Variants in PLEKHD1 observed in about 807,000 individuals in gnomAD.
The protein encoded by PLEKHD1 is pleckstrin homology domain-containing family D member 1.
Under a neutral mutation model 69.2 loss-of-function variants are expected in PLEKHD1, and 51 were observed. The ratio of observed to expected loss-of-function variants is 0.74; its 90% confidence interval spans 0.59 to 0.93. PLEKHD1 has a LOEUF of 0.93. PLEKHD1 is among the 40% of genes least tolerant of loss of function. The probability of loss-of-function intolerance (pLI) is 0.00; values close to 1 mark genes in which losing one functional copy is unlikely to be tolerated. For synonymous variants in PLEKHD1, 236 were observed against 244.7 expected (o/e 0.96, Z 0.33); for missense variants, 584 against 641.0 (o/e 0.91, Z 0.96).
At chr14:69,490,153 C>T (rs941191779) in intron 1 of PLEKHD1, among the ~76,000 whole-genome samples, 3 of 152,208 alleles carry the variant, frequency 2.0e-5, no homozygotes, top group African/African-American at 7.2e-5. Flanking sequence ...CAGGCATGAG[C>T]CCCCTGTTAT....
intron 1 of PLEKHD1, among the ~76,000 whole-genome samples, chr14:69,499,541 C>T (rs1005470998): frequency 1.3e-5 from 2 of 152,178 alleles, no homozygotes; most frequent in African/African-American, 4.8e-5. Context: ...GCACCAAAGT[C>T]ACAGAGCCCT....
chr14:69,484,675 A>G, upstream of PLEKHD1: 1 of 292,900 alleles, frequency 3.4e-6, no homozygotes, highest in Non-Finnish European at 6.3e-6. Flanking sequence ...GTGGGTGGCT[A>G]GGGCGGGAGG....
In PLEKHD1 at chr14:69,530,794, C is replaced by A. The variant is rs1207404488; in HGVS notation, c.*2375C>A. On this transcript the variant is annotated 3_prime_UTR_variant, in exon 13 of 13. Transcript: ENST00000322564. ...GGGTGAGAGAGCAAGAGGGGCCAAA[C>A]TTATTCTTTTATAACAAACCCACCC... 2.0e-5 allele frequency: 3 copies of A among 152,198 alleles called. No homozygotes were observed. Among genetic ancestry groups the A allele is most frequent in the African/African-American group, 7.2e-5 (3 of 41,430 alleles). The allele number at this position is 152,198 out of a possible 1,614,324, so 9.4% of individuals were successfully genotyped here. A position where few individuals can be genotyped will look rare whatever the true frequency, so the allele number is the denominator to read the frequency against.
chr14:69,469,852 G>C, the PLEKHD1 span, among the ~76,000 whole-genome samples: 2 of 151,994 alleles, frequency 1.3e-5, no homozygotes, highest in Non-Finnish European at 1.5e-5. Context: ...TCCACTAGTA[G>C]CTGGGATTAC....
At chr14:69,500,306 C>T in intron 2 of PLEKHD1, 98 bp downstream of exon 2, 1 of 1,054,854 alleles carries the variant, frequency 9.5e-7, no homozygotes, top group Non-Finnish European at 1.4e-6. Flanking sequence ...CTTGCTCTGG[C>T]CTAGCAGAGA....
chr14:69,513,686 A>T (rs1883321315), intron 6 of PLEKHD1, among the ~76,000 whole-genome samples: 1 of 152,172 alleles, frequency 6.6e-6, no homozygotes, highest in Non-Finnish European at 1.5e-5. Flanking sequence ...TTCACTCTCC[A>T]ATGCTCTTCC....
At chr14:69,495,635 G>A (rs1882871727) in intron 1 of PLEKHD1, among the ~76,000 whole-genome samples, 1 of 152,194 alleles carries the variant, frequency 6.6e-6, no homozygotes, top group South Asian at 2.1e-4. Flanking sequence ...TCATTACCAT[G>A]GCCATAGAGC....
intron 1 of PLEKHD1, among the ~76,000 whole-genome samples, chr14:69,494,250 A>C (rs1051556280): frequency 6.6e-6 from 1 of 152,182 alleles, no homozygotes; most frequent in Admixed American, 6.5e-5. Context: ...ATTATCCTCA[A>C]GTTGCACGGT....
At chr14:69,507,363 A>G (rs991616431) in intron 6 of PLEKHD1, among the ~76,000 whole-genome samples, 1 of 152,070 alleles carries the variant, frequency 6.6e-6, no homozygotes, top group Non-Finnish European at 1.5e-5. Flanking sequence ...GTGCTGAATG[A>G]TATTACCTTA....
chr14:69,469,517 C>T, the PLEKHD1 span, among the ~76,000 whole-genome samples: 4 of 151,896 alleles, frequency 2.6e-5, no homozygotes, highest in African/African-American at 9.7e-5. Flanking sequence ...TCCAGTGATC[C>T]TCCTGCCTGA....
upstream of PLEKHD1, among the ~76,000 whole-genome samples, chr14:69,480,354 AG>A (rs1882519962): frequency 6.6e-6 from 1 of 152,240 alleles, no homozygotes; most frequent in Admixed American, 6.5e-5. Context: ...GCTGACAGAC[AG>A]ATGCCGGTGC....
the PLEKHD1 span, among the ~76,000 whole-genome samples, chr14:69,471,090 C>CTTTTTTT: frequency 2.0e-4 from 9 of 44,750 alleles, 2 homozygotes; most frequent in African/African-American, 4.3e-4. Context: ...CGTGCCTGGC[C>CTTTTTTT]TTTTTTTTTT....
At chr14:69,504,956 A>T (rs1423823115) in intron 6 of PLEKHD1, among the ~76,000 whole-genome samples, 3 of 152,350 alleles carry the variant, frequency 2.0e-5, no homozygotes, top group African/African-American at 7.2e-5. Flanking sequence ...AGACACAGCC[A>T]CTGGCAGGGA....
Position 69,506,891 on chromosome 14 carries a change from C to CTTT in PLEKHD1, c.555+4038_555+4040dup, listed in dbSNP as rs1162412450. Among the ~76,000 whole-genome samples the CTTT allele has an allele frequency of 2.2e-3, 169 of 78,060 alleles. 12 individuals are homozygous for CTTT. Among genetic ancestry groups the CTTT allele is most frequent in the South Asian group, 4.4e-3 (9 of 2,036 alleles). 51.2% of individuals were successfully genotyped at this position (78,060 alleles called of 152,430 possible). The stretch of plus-strand genomic sequence containing the variant: ...ACTGTCCTAAAAATCCTGGCAACTG[C>CTTT]TTTTTTTTTTTTTTTTTTTTTTTTT... On this transcript the variant is annotated intron_variant, in intron 6 of 12. Coordinates refer to ENST00000322564, the MANE Select transcript of PLEKHD1 (RefSeq NM_001161498.2).
chr14:69,483,894 A>C (rs2139486666), upstream of PLEKHD1, among the ~76,000 whole-genome samples: 1 of 152,350 alleles, frequency 6.6e-6, no homozygotes, highest in South Asian at 2.1e-4. Flanking sequence ...CCCTGGCCTG[A>C]AAATGAGCCG....
chr14:69,471,301 G>A, the PLEKHD1 span, among the ~76,000 whole-genome samples: 1 of 151,342 alleles, frequency 6.6e-6, no homozygotes. Flanking sequence ...TGTAGAGATG[G>A]GGTCTCCCTA....
In PLEKHD1 at chr14:69,528,673, A is replaced by T; in HGVS notation, c.*254A>T. 1 of 542,360 alleles carries T rather than the reference A, an allele frequency of 1.8e-6. No individual in the cohort carries two copies. The highest frequency in any genetic ancestry group is 2.3e-5 in the South Asian group (1 of 43,136). 33.6% of individuals were successfully genotyped at this position (542,360 alleles called of 1,614,324 possible). A position where few individuals can be genotyped will look rare whatever the true frequency, so the allele number is the denominator to read the frequency against. ...AGGCCTGAGCTGGGTGCTGGTTGTC[A>T]TGGTGAGGTGAGGACAGGACCTGGT... On this transcript the variant is annotated 3_prime_UTR_variant, in exon 13 of 13. Coordinates refer to ENST00000322564, the MANE Select transcript of PLEKHD1 (RefSeq NM_001161498.2).
chr14:69,504,194 T>C (rs1419836340), intron 6 of PLEKHD1, among the ~76,000 whole-genome samples: 9 of 152,248 alleles, frequency 5.9e-5, no homozygotes, highest in African/African-American at 2.2e-4. Context: ...GTTAGCATTA[T>C]GATCGTATTA....
chr14:69,490,449 A>G (rs916717910), intron 1 of PLEKHD1, among the ~76,000 whole-genome samples: 8 of 152,292 alleles, frequency 5.3e-5, no homozygotes, highest in Admixed American at 3.3e-4. Context: ...TCACCTGCTC[A>G]TCTCCTGCTG....
Sources: allele counts gnomAD v4.1 joint callset (sites outside exome capture counted in the v4.1 genomes callset), GRCh38; gene constraint gnomAD v4.1.1; transcripts MANE v1.5; gene names NCBI Gene and HGNC (gene_info 2026-07-23, HGNC 2026-07-21).